The following NKD1 variants were observed in gnomAD, a reference collection of about 807,000 sequenced individuals.
NKD1 encodes the protein NKD inhibitor of Wnt signaling pathway 1, also known as protein naked cuticle homolog 1.
Under a neutral mutation model 56.0 loss-of-function variants are expected in NKD1, and 21 were observed. That is an observed-to-expected ratio of 0.38 (90% CI 0.27 to 0.54). NKD1 has a LOEUF of 0.54. NKD1 is among the 20% of genes least tolerant of loss of function. The pLI, the probability that NKD1 is intolerant of heterozygous loss-of-function variation, is 0.82. For missense variants in NKD1, 578 were observed against 642.7 expected (o/e 0.90, Z 1.09); for synonymous variants, 263 against 265.7 (o/e 0.99, Z 0.10).
chr16:50,552,755 C>T (rs1008250114), intron 3 of NKD1, among the ~76,000 whole-genome samples: 2 of 152,214 alleles, frequency 1.3e-5, no homozygotes, highest in African/African-American at 4.8e-5. Flanking sequence ...AGGGAACCTA[C>T]TGGGAGATTC....
intron 3 of NKD1, among the ~76,000 whole-genome samples, chr16:50,597,660 A>G (rs1463949425): frequency 6.6e-6 from 1 of 152,054 alleles, no homozygotes; most frequent in Non-Finnish European, 1.5e-5. Flanking sequence ...GCAGCTTCCT[A>G]TCTGACAGCA....
intron 4 of NKD1, among the ~76,000 whole-genome samples, chr16:50,619,840 C>T (rs1420668925): frequency 6.6e-6 from 1 of 152,188 alleles, no homozygotes; most frequent in East Asian, 1.9e-4. Context: ...GTGGAGATGA[C>T]CACTGCCCTG....
intron 3 of NKD1, among the ~76,000 whole-genome samples, chr16:50,600,357 T>G (rs1596732613): frequency 6.8e-6 from 1 of 147,888 alleles, no homozygotes; most frequent in African/African-American, 2.5e-5. Flanking sequence ...TCGGTGGGAG[T>G]CGCAGATACT....
At chr16:50,555,639 A>G (rs79874223) in intron 3 of NKD1, 1,583 of 152,710 alleles carry the variant, frequency 0.01, 24 homozygotes, top group African/African-American at 0.026. Flanking sequence ...AGAGCTAATC[A>G]TGCCCCAGAA....
chr16:50,615,247 G>A (rs1394331122), intron 4 of NKD1, among the ~76,000 whole-genome samples: 1 of 152,208 alleles, frequency 6.6e-6, no homozygotes, highest in Non-Finnish European at 1.5e-5. Flanking sequence ...ACAACTTCTG[G>A]GTTCAAATCC....
At chr16:50,612,423 G>T (rs1424416453) in intron 4 of NKD1, among the ~76,000 whole-genome samples, 1 of 152,232 alleles carries the variant, frequency 6.6e-6, no homozygotes, top group Non-Finnish European at 1.5e-5. Context: ...GTATGTGCTG[G>T]GCATTTGCTG....
chr16:50,612,750 A>G (rs9940241), intron 4 of NKD1, among the ~76,000 whole-genome samples: 13,391 of 152,162 alleles, frequency 0.088, 1,440 homozygotes, highest in African/African-American at 0.26. Flanking sequence ...GGGAAGAACA[A>G]AAAGGAGGCC....
intron 3 of NKD1, among the ~76,000 whole-genome samples, chr16:50,587,499 G>T (rs140927165): frequency 6.6e-6 from 1 of 152,172 alleles, no homozygotes; most frequent in African/African-American, 2.4e-5. Flanking sequence ...GGCTTTCCAC[G>T]TAACTTTTGT....
rs767155966 is a variant in NKD1 at position 50,633,260 on chromosome 16, C to T, written c.892C>T (p.His298Tyr). 8.1e-6 allele frequency: 13 copies of T among 1,614,044 alleles called. No individual in the cohort carries two copies. The Admixed American group carries it at 1.8e-4, about 23-fold the overall frequency. The part of the protein sequence containing the change: ...RTSNPTRSRS[H>Y]EPEAIHIPHR... ...CTCCAATCCCACTCGATCTCGCTCCCATGAGCCGGAAGCCATCCACATCCC... is the reference window on the plus strand; with the variant it reads ...CTCCAATCCCACTCGATCTCGCTCCTATGAGCCGGAAGCCATCCACATCCC... Residue 298 changes from histidine to tyrosine, a missense_variant, in exon 10 of 10, where the codon CAT becomes TAT. His to Tyr is a moderately conservative substitution (Grantham distance 83, BLOSUM62 2). Transcript: ENST00000268459. This position sits in a 1 kb window ranked among gnomAD's most constrained non-coding sequence, Gnocchi z 4.9.
intron 4 of NKD1, among the ~76,000 whole-genome samples, chr16:50,610,376 C>T (rs2044178649): frequency 6.6e-6 from 1 of 152,202 alleles, no homozygotes; most frequent in African/African-American, 2.4e-5. Context: ...GCCCAGTGAC[C>T]ATCTGTGGTC....
Position 50,639,388 on chromosome 16 carries a change from T to A in NKD1, c.*5607T>A, listed in dbSNP as rs564238105. 1 of 152,340 alleles carries A rather than the reference T, an allele frequency of 6.6e-6. No homozygotes were observed. The highest frequency in any genetic ancestry group is 2.4e-5 in the African/African-American group (1 of 41,580). 9.4% of individuals were successfully genotyped at this position (152,340 alleles called of 1,614,324 possible). On this transcript the variant is annotated 3_prime_UTR_variant, in exon 10 of 10. Coordinates refer to ENST00000268459, the MANE Select transcript of NKD1 (RefSeq NM_033119.5). ...GGATCAGTGTTTTTCACAAGCTCCA[T>A]ACCTCCAGGAAATGGTGTTGTGGTT...
At position 50,640,192 on chromosome 16, in the gene NKD1, C is replaced by A. The variant is rs12918439; in HGVS notation, c.*6411C>A. 1 of 152,186 alleles carries A rather than the reference C, an allele frequency of 6.6e-6. No homozygotes were observed. The highest frequency in any genetic ancestry group is 1.5e-5 in the Non-Finnish European group (1 of 68,102). 9.4% of individuals were successfully genotyped at this position (152,186 alleles called of 1,614,324 possible). ...TGGAGGAACTGCCAGGAACTAAGGG[C>A]GAGCACTGGAGAAGGCAACCTGGGA... On this transcript the variant is annotated 3_prime_UTR_variant, in exon 10 of 10. Coordinates refer to ENST00000268459, the MANE Select transcript of NKD1 (RefSeq NM_033119.5).
rs147595536 is a variant in NKD1, at chr16:50,573,477, G to A, written c.192+23922G>A. Among the ~76,000 whole-genome samples, 1,199 of 152,318 alleles carry A rather than the reference G, an allele frequency of 7.9e-3. 11 individuals are homozygous for A. Among genetic ancestry groups the A allele is most frequent in the Non-Finnish European group, 0.011 (770 of 68,024 alleles). On this transcript the variant is annotated intron_variant, in intron 3 of 9. Coordinates refer to ENST00000268459, the MANE Select transcript of NKD1 (RefSeq NM_033119.5). ...CCTGCAGTGTGAAGCCGGGTGCTGC[G>A]GGGAAAGAGCCAGCAAGTGCTTTCT...
chr16:50,567,533 T>A (rs1960788412), intron 3 of NKD1, among the ~76,000 whole-genome samples: 1 of 152,214 alleles, frequency 6.6e-6, no homozygotes, highest in Non-Finnish European at 1.5e-5. Context: ...TAGTTTGGTT[T>A]AGCTGTGAGT....
intron 3 of NKD1, among the ~76,000 whole-genome samples, chr16:50,604,133 C>A (rs1162554685): frequency 6.6e-6 from 1 of 152,216 alleles, no homozygotes; most frequent in Non-Finnish European, 1.5e-5. Flanking sequence ...AGGAGGGTCA[C>A]CACTGCAGCC....
At chr16:50,559,209 A>C (rs1960569935) in intron 3 of NKD1, among the ~76,000 whole-genome samples, 1 of 152,170 alleles carries the variant, frequency 6.6e-6, no homozygotes, top group Admixed American at 6.5e-5. Context: ...AGAATAAAGG[A>C]GATGTCACCC....
chr16:50,632,201 TG>T lies in NKD1; in HGVS notation c.696-75del. Reference sequence around the variant, plus strand: ...TGAATGAAGGGTCCAGAGTTCATTCTGGGGGCTTCCTAGTAGCCTATGCGCT... The same window carrying T: ...TGAATGAAGGGTCCAGAGTTCATTCTGGGGCTTCCTAGTAGCCTATGCGCT... On this transcript the variant is annotated intron_variant, in intron 8 of 9. Transcript: ENST00000268459. The surrounding 1 kb of genome is among the most constrained non-coding windows in gnomAD (Gnocchi z 4.1). 3.5e-6 allele frequency: 5 copies of T among 1,413,114 alleles called. No homozygotes were observed. Among genetic ancestry groups the T allele is most frequent in the Non-Finnish European group, 3.0e-6 (3 of 1,009,988 alleles). The allele number at this position is 1,413,114 out of a possible 1,614,324, so 87.5% of individuals were successfully genotyped here.
rs1224721464 is a variant in NKD1 at position 50,640,861 on chromosome 16, A to T, written c.*7080A>T. ...TTAAAAAGAAAAAAAAAACAACCTCATTATGTTGTCTTTGTTTTTGTTTTG... is the reference window on the plus strand; with the variant it reads ...TTAAAAAGAAAAAAAAAACAACCTCTTTATGTTGTCTTTGTTTTTGTTTTG... On this transcript the variant is annotated 3_prime_UTR_variant, in exon 10 of 10. Coordinates refer to ENST00000268459, the MANE Select transcript of NKD1 (RefSeq NM_033119.5). 6.6e-6 allele frequency: 1 copy of T among 152,028 alleles called. No individual in the cohort carries two copies. Among genetic ancestry groups the T allele is most frequent in the East Asian group, 1.9e-4 (1 of 5,196 alleles). 9.4% of individuals were successfully genotyped at this position (152,028 alleles called of 1,614,324 possible).
In NKD1 at chr16:50,562,361, A is replaced by G. The variant is rs74017709; in HGVS notation, c.192+12806A>G. Reference sequence around the variant, plus strand: ...CTGGAAGGGTACACTGTCAAGGACTATTTCCCTGAGGAATGGAGAATTTTG... The same window carrying G: ...CTGGAAGGGTACACTGTCAAGGACTGTTTCCCTGAGGAATGGAGAATTTTG... On this transcript the variant is annotated intron_variant, in intron 3 of 9. Coordinates refer to ENST00000268459, the MANE Select transcript of NKD1 (RefSeq NM_033119.5). The G allele has an allele frequency of 1.5e-3, 1,101 of 722,514 alleles. 9 individuals carry two copies. In the African/African-American group the frequency reaches 0.02, roughly 13 times the overall value. The allele number at this position is 722,514 out of a possible 1,614,324, so 44.8% of individuals were successfully genotyped here. A position where few individuals can be genotyped will look rare whatever the true frequency, so the allele number is the denominator to read the frequency against.
Sources: allele counts gnomAD v4.1 joint callset (sites outside exome capture counted in the v4.1 genomes callset), GRCh38; gene constraint gnomAD v4.1.1; non-coding constraint Gnocchi (gnomAD v3.1); transcripts MANE v1.5; gene names NCBI Gene and HGNC (gene_info 2026-07-23, HGNC 2026-07-21).